The following PDE1C variants were observed in gnomAD, a reference collection of about 807,000 sequenced individuals.
The protein encoded by PDE1C is phosphodiesterase 1C.
In PDE1C, 62 loss-of-function variants were observed where a neutral mutation model predicts 93.1. The observed-to-expected ratio is 0.67, with a 90% CI of 0.54 to 0.82. The LOEUF is 0.82. Ranked by LOEUF, PDE1C falls within the 40% of genes least tolerant of loss-of-function variation. The probability of loss-of-function intolerance (pLI) is 0.00; values close to 1 mark genes in which losing one functional copy is unlikely to be tolerated. For synonymous variants in PDE1C, 325 were observed against 310.1 expected (o/e 1.05, Z -0.50); for missense variants, 742 against 884.6 (o/e 0.84, Z 2.04).
At chr7:31,713,360 G>A in the PDE1C span, among the ~76,000 whole-genome samples, 1 of 152,242 alleles carries the variant, frequency 6.6e-6, no homozygotes, top group Non-Finnish European at 1.5e-5. Flanking sequence ...GCTGATGCAA[G>A]AGGTGGGCTC....
rs769219508 is a variant in PDE1C at position 31,772,510 on chromosome 7, CTCT to C, written c.1960+3151_1960+3153del. 4.3e-3 allele frequency among the ~76,000 whole-genome samples: 636 copies of C among 149,490 alleles called. 4 individuals are homozygous for C. The highest frequency in any genetic ancestry group is 0.013 in the African/African-American group (548 of 40,598). On this transcript the variant is annotated intron_variant, in intron 17 of 17. Transcript: ENST00000396191. ...CCAGGGCTTCTGCAGTTCTCTCTCT[CTCT>C]TTTTTTTTTTTCTGGTTCCCAGAGT... is the stretch of plus-strand genomic sequence containing the variant.
chr7:31,731,039 C>T, the PDE1C span, among the ~76,000 whole-genome samples: 6 of 151,804 alleles, frequency 4.0e-5, no homozygotes, highest in East Asian at 3.9e-4. Context: ...GAGAGGGGGG[C>T]GGGTTCCCAA....
At chr7:32,174,390 G>T (rs1802847942) in intron 2 of PDE1C, among the ~76,000 whole-genome samples, 1 of 152,108 alleles carries the variant, frequency 6.6e-6, no homozygotes, top group South Asian at 2.1e-4. Context: ...CATAACTGAG[G>T]GGCAAATAGA....
intron 2 of PDE1C, among the ~76,000 whole-genome samples, chr7:31,925,680 G>A (rs1323982255): frequency 6.6e-6 from 1 of 152,062 alleles, no homozygotes; most frequent in Non-Finnish European, 1.5e-5. Context: ...TTTTTTACAT[G>A]TACATTTGTT....
intron 3 of PDE1C, among the ~76,000 whole-genome samples, chr7:32,142,149 A>G (rs1429171928): frequency 6.6e-6 from 1 of 151,942 alleles, no homozygotes; most frequent in Non-Finnish European, 1.5e-5. Flanking sequence ...AAGAAGGAGA[A>G]AGTGATAGAT....
intron 3 of PDE1C, among the ~76,000 whole-genome samples, chr7:32,102,263 C>T (rs906826771): frequency 2.0e-5 from 3 of 152,132 alleles, no homozygotes; most frequent in African/African-American, 7.2e-5. Context: ...CTCCTGGGTA[C>T]ACACTTAAAA....
the PDE1C span, among the ~76,000 whole-genome samples, chr7:31,632,728 C>T: frequency 6.6e-6 from 1 of 152,090 alleles, no homozygotes; most frequent in Non-Finnish European, 1.5e-5. Context: ...AGACCGTCAT[C>T]CCTACTACTG....
intron 8 of PDE1C, among the ~76,000 whole-genome samples, chr7:31,849,269 T>C (rs1169666835): frequency 6.6e-6 from 1 of 152,190 alleles, no homozygotes; most frequent in African/African-American, 2.4e-5. Flanking sequence ...GACCCACATA[T>C]GTTCAACCCA....
chr7:32,308,107 A>T (rs895404601), intron 1 of PDE1C, among the ~76,000 whole-genome samples: 7 of 152,236 alleles, frequency 4.6e-5, no homozygotes, highest in African/African-American at 1.7e-4. Context: ...AGAGGGTCCA[A>T]CGCCCACGGA....
chr7:31,672,272 A>G, the PDE1C span, among the ~76,000 whole-genome samples: 1 of 152,188 alleles, frequency 6.6e-6, no homozygotes, highest in Admixed American at 6.5e-5. Flanking sequence ...TGATTTTTCA[A>G]AACGTTATTA....
chr7:31,852,654 G>A (rs184951789), intron 7 of PDE1C, among the ~76,000 whole-genome samples: 2 of 152,212 alleles, frequency 1.3e-5, no homozygotes, highest in East Asian at 3.9e-4. Flanking sequence ...CCAGGGGTAG[G>A]TGCAGGACTC....
chr7:32,174,589 C>A (rs1026854670), intron 2 of PDE1C, among the ~76,000 whole-genome samples: 1 of 152,152 alleles, frequency 6.6e-6, no homozygotes, highest in African/African-American at 2.4e-5. Flanking sequence ...GCTCCTGAGG[C>A]TGGGACGAAG....
At position 31,831,467 on chromosome 7, in the gene PDE1C, GAAGTA is replaced by G. The variant is rs1224069167; in HGVS notation, c.1204-3099_1204-3095del. ...TTGCAAGAGGCCCTACAAAAGTAAG[GAAGTA>G]AAGGCACACACACACACACATGCAC... On this transcript the variant is annotated intron_variant, in intron 11 of 17. Transcript: ENST00000396191. Among the ~76,000 whole-genome samples the G allele has an allele frequency of 1.1e-4, 14 of 131,024 alleles. 1 individual carries two copies. The South Asian group carries it at 1.5e-3, about 14-fold the overall frequency. The allele number at this position is 131,024 out of a possible 152,430, so 86.0% of individuals were successfully genotyped here. A position where few individuals can be genotyped will look rare whatever the true frequency, so the allele number is the denominator to read the frequency against.
intron 2 of PDE1C, among the ~76,000 whole-genome samples, chr7:31,908,682 T>C (rs1267887465): frequency 6.6e-6 from 1 of 152,162 alleles, no homozygotes; most frequent in Non-Finnish European, 1.5e-5. Flanking sequence ...TAAAATACTT[T>C]ATGTGACTTT....
chr7:31,616,887 T>C, the PDE1C span, among the ~76,000 whole-genome samples: 1 of 152,190 alleles, frequency 6.6e-6, no homozygotes, highest in African/African-American at 2.4e-5. Context: ...AAACCTCTCT[T>C]GCTTACTTTT....
At chr7:31,635,324 A>G in the PDE1C span, among the ~76,000 whole-genome samples, 1 of 152,216 alleles carries the variant, frequency 6.6e-6, no homozygotes, top group African/African-American at 2.4e-5. Context: ...CTAAACCATC[A>G]GTAACCTGGC....
chr7:31,991,695 T>C (rs995578231), intron 2 of PDE1C, among the ~76,000 whole-genome samples: 1 of 152,160 alleles, frequency 6.6e-6, no homozygotes, highest in African/African-American at 2.4e-5. Context: ...TGTTGTAGGG[T>C]TGAAGAATTA....
At chr7:31,621,001 G>A in the PDE1C span, among the ~76,000 whole-genome samples, 38 of 152,038 alleles carry the variant, frequency 2.5e-4, no homozygotes, top group African/African-American at 8.4e-4. Flanking sequence ...GGAAGAAAGG[G>A]TATCAGTGAT....
chr7:31,710,705 G>A, the PDE1C span, among the ~76,000 whole-genome samples: 3 of 152,208 alleles, frequency 2.0e-5, no homozygotes, highest in Non-Finnish European at 2.9e-5. Context: ...CTTGCCACTC[G>A]TAATTTGTAA....
Sources: allele counts gnomAD v4.1 joint callset (sites outside exome capture counted in the v4.1 genomes callset), GRCh38; gene constraint gnomAD v4.1.1; transcripts MANE v1.5; gene names NCBI Gene and HGNC (gene_info 2026-07-23, HGNC 2026-07-21).